ANKRD36C: variants seen among roughly 807,000 people sequenced by gnomAD.
ANKRD36C encodes the protein ankyrin repeat domain 36C.
A neutral mutation model predicts 276.4 loss-of-function variants in ANKRD36C; 61 were observed. The ratio of observed to expected loss-of-function variants is 0.22; its 90% CI spans 0.18 to 0.27. ANKRD36C has a LOEUF of 0.27. Among genes scored for constraint, ANKRD36C ranks in the 10% least tolerant of loss-of-function variants. The pLI is 1.00. For missense variants in ANKRD36C, 1,447 were observed against 2,032.3 expected (o/e 0.71, Z 5.54); for synonymous variants, 483 against 680.1 (o/e 0.71, Z 4.51).
chr2:95,916,163 G>A (rs188178234), exon 37 of ANKRD36C: 18,597 of 1,604,770 alleles, frequency 0.012, 148 homozygotes, highest in Non-Finnish European at 0.013. Flanking sequence ...GGTTTTTTCC[G>A]AGAAGACACT....
chr2:95,958,536 G>T, intron 12 of ANKRD36C, 55 bp downstream of exon 12: 2 of 1,536,126 alleles, frequency 1.3e-6, no homozygotes, highest in Non-Finnish European at 8.8e-7. Context: ...TCGGGGAAGG[G>T]AAGTTCTCCT....
intron 59 of ANKRD36C, among the ~76,000 whole-genome samples, chr2:95,871,580 C>T (rs1440502804): frequency 6.6e-6 from 1 of 151,908 alleles, no homozygotes; most frequent in Non-Finnish European, 1.5e-5. Flanking sequence ...ATATAAAGAC[C>T]ATCGAGACTA....
intron 26 of ANKRD36C, among the ~76,000 whole-genome samples, chr2:95,928,061 C>T (rs529939554): frequency 2.0e-5 from 3 of 151,674 alleles, no homozygotes; most frequent in African/African-American, 7.2e-5. Flanking sequence ...TGGCAACAAA[C>T]GATAATATAT....
At chr2:95,908,799 T>C in intron 42 of ANKRD36C, 102 bp from the exon 47 acceptor site, 2 of 1,516,676 alleles carry the variant, frequency 1.3e-6, no homozygotes, top group Admixed American at 2.0e-5. Flanking sequence ...CCTGCCTGTA[T>C]TAGCGTAGGC....
At chr2:95,918,025 G>A in exon 35 of ANKRD36C, 2 of 1,600,894 alleles carry the variant, frequency 1.2e-6, no homozygotes, top group Non-Finnish European at 1.7e-6. Flanking sequence ...TTCAAGGCTG[G>A]TTGTTTCTGA....
Position 95,920,411 on chromosome 2 carries a change from T to C in ANKRD36C, c.2245+1196A>G, listed in dbSNP as rs1450282066. On this transcript the variant is annotated intron_variant, in intron 34 of 66. Transcript: ENST00000456556. Reference sequence around the variant, plus strand: ...CATGGCACTTCAGTTGAATGTACACTTCACATCCCCTTCAGTGGAAGTGTC... The same window carrying C: ...CATGGCACTTCAGTTGAATGTACACCTCACATCCCCTTCAGTGGAAGTGTC... Among the ~76,000 whole-genome samples, 2 of 132,446 alleles carry C rather than the reference T, an allele frequency of 1.5e-5. 1 individual carries two copies. The highest frequency in any genetic ancestry group is 3.4e-5 in the Non-Finnish European group (2 of 59,672). 86.9% of individuals were successfully genotyped at this position (132,446 alleles called of 152,430 possible). A position where few individuals can be genotyped will look rare whatever the true frequency, so the allele number is the denominator to read the frequency against.
intron 17 of ANKRD36C, among the ~76,000 whole-genome samples, chr2:95,946,872 T>C (rs368403243): frequency 4.2e-5 from 6 of 144,538 alleles, no homozygotes; most frequent in African/African-American, 7.8e-5. Context: ...ATCACATGGA[T>C]ACAGGAAGGG....
intron 13 of ANKRD36C, 35 bp from the exon 14 acceptor site, chr2:95,954,040 G>C: frequency 6.5e-7 from 1 of 1,530,068 alleles, no homozygotes; most frequent in Middle Eastern, 1.7e-4. Context: ...AAATGAGCAC[G>C]TTCATTTCTT....
chr2:95,973,351 G>A (rs1308951287), intron 6 of ANKRD36C, among the ~76,000 whole-genome samples: 2 of 151,440 alleles, frequency 1.3e-5, no homozygotes, highest in Non-Finnish European at 2.9e-5. Flanking sequence ...GGCAGAGTTT[G>A]CAGTGAGCCA....
intron 60 of ANKRD36C, among the ~76,000 whole-genome samples, chr2:95,861,273 T>A (rs942982409): frequency 3.3e-5 from 5 of 150,536 alleles, no homozygotes; most frequent in Admixed American, 6.6e-5. Context: ...TGGATGGAAA[T>A]AAACACAAAT....
chr2:95,873,158 C>G (rs918390381), intron 59 of ANKRD36C, among the ~76,000 whole-genome samples: 9 of 152,162 alleles, frequency 5.9e-5, no homozygotes, highest in African/African-American at 1.7e-4. Flanking sequence ...CCCTCCCTAA[C>G]TCATTTTATG....
intron 3 of ANKRD36C, among the ~76,000 whole-genome samples, chr2:95,983,703 C>T (rs1395502637): frequency 6.6e-5 from 10 of 151,714 alleles, no homozygotes; most frequent in Admixed American, 2.0e-4. Context: ...CTCCGCCTCC[C>T]GGATTCAAGC....
chr2:95,860,519 C>G (rs1318979520), intron 60 of ANKRD36C, among the ~76,000 whole-genome samples: 5 of 152,176 alleles, frequency 3.3e-5, no homozygotes, highest in African/African-American at 4.8e-5. Flanking sequence ...CAATCTGTTA[C>G]TAGCTCTGAT....
intron 6 of ANKRD36C, among the ~76,000 whole-genome samples, chr2:95,974,384 T>C (rs1052718896): frequency 7.9e-5 from 12 of 152,202 alleles, no homozygotes; most frequent in African/African-American, 2.2e-4. Context: ...TACTTTAGAA[T>C]AGGTAGCTAA....
chr2:95,921,582 C>T (rs577461136), intron 34 of ANKRD36C, 25 bp downstream of exon 34: 17 of 1,595,890 alleles, frequency 1.1e-5, no homozygotes, highest in Non-Finnish European at 1.3e-5. Context: ...TTGAACATGA[C>T]ATTAAATGTC....
intron 44 of ANKRD36C, among the ~76,000 whole-genome samples, chr2:95,898,117 A>G (rs1329663875): frequency 1.3e-5 from 2 of 149,222 alleles, no homozygotes; most frequent in Non-Finnish European, 3.0e-5. Context: ...TTCTTCATCC[A>G]GTCGTGGCAA....
intron 6 of ANKRD36C, 128 bp from the exon 7 acceptor site, chr2:95,962,675 T>G (rs1050064486): frequency 7.9e-7 from 1 of 1,258,896 alleles, no homozygotes; most frequent in African/African-American, 1.5e-5. Flanking sequence ...TGTTTTATAC[T>G]TTGTGTCTTG....
chr2:95,924,165 AATATACACTTCATGT>A (rs1369146132), intron 30 of ANKRD36C, among the ~76,000 whole-genome samples: 3 of 151,836 alleles, frequency 2.0e-5, no homozygotes, highest in African/African-American at 7.2e-5. Context: ...ACTTCAGTTG[AATATACACTTCATGT>A]CTCTTAAGTG....
chr2:95,987,237 G>A (rs1464540788), intron 1 of ANKRD36C, 31 bp from the exon 2 acceptor site: 1 of 1,508,846 alleles, frequency 6.6e-7, no homozygotes, highest in Non-Finnish European at 8.8e-7. Context: ...TTTAAAACAT[G>A]TAACTGTAAG....
Sources: allele counts gnomAD v4.1 joint callset (sites outside exome capture counted in the v4.1 genomes callset), GRCh38; gene constraint gnomAD v4.1.1; transcripts MANE v1.5; gene names NCBI Gene and HGNC (gene_info 2026-07-23, HGNC 2026-07-21).